CDKAL1: variants seen among roughly 807,000 people sequenced by gnomAD.
CDKAL1 encodes threonylcarbamoyladenosine tRNA methylthiotransferase.
A neutral mutation model predicts 68.2 loss-of-function variants in CDKAL1; 32 were observed. The observed-to-expected ratio is 0.47, with a 90% CI of 0.35 to 0.63. CDKAL1 has a LOEUF of 0.63. Ranked by LOEUF, CDKAL1 falls within the 30% of genes least tolerant of loss-of-function variation. The pLI is 0.00. For missense variants in CDKAL1, 606 were observed against 696.7 expected, an observed-to-expected ratio of 0.87 and a Z score of 1.47; for synonymous variants, 234 against 244.3, an observed-to-expected ratio of 0.96 and a Z score of 0.39.
chr6:20,806,313 C>T (rs1001480083), intron 8 of CDKAL1, among the ~76,000 whole-genome samples: 3 of 152,212 alleles, frequency 2.0e-5, no homozygotes, highest in Non-Finnish European at 4.4e-5. Flanking sequence ...AAAGGACATA[C>T]ATGAACTTAT....
intron 8 of CDKAL1, among the ~76,000 whole-genome samples, chr6:20,797,434 G>C (rs1368455128): frequency 2.0e-5 from 3 of 152,166 alleles, no homozygotes; most frequent in African/African-American, 7.2e-5. Context: ...GAATGAATTA[G>C]CAGTTTCTCT....
At chr6:20,837,443 A>G (rs951460967) in intron 8 of CDKAL1, among the ~76,000 whole-genome samples, 7 of 152,168 alleles carry the variant, frequency 4.6e-5, no homozygotes, top group African/African-American at 1.7e-4. Flanking sequence ...GTCAGCCTCC[A>G]TAACCACTGA....
chr6:20,749,095 C>G (rs560864143), intron 6 of CDKAL1, among the ~76,000 whole-genome samples: 84 of 152,168 alleles, frequency 5.5e-4, no homozygotes, highest in African/African-American at 1.4e-3. Context: ...CAGCCAGATT[C>G]ATGCAGTCTT....
At chr6:20,596,079 T>C (rs1765809738) in intron 4 of CDKAL1, among the ~76,000 whole-genome samples, 2 of 152,162 alleles carry the variant, frequency 1.3e-5, no homozygotes, top group Non-Finnish European at 2.9e-5. Flanking sequence ...GGAGCTCTCC[T>C]GTATGAGGTG....
chr6:20,916,475 CAA>C (rs760672451), intron 9 of CDKAL1, among the ~76,000 whole-genome samples: 2 of 152,088 alleles, frequency 1.3e-5, no homozygotes, highest in African/African-American at 4.8e-5. Context: ...GAAGAAATAA[CAA>C]GAGTATAGCA....
chr6:20,718,828 TA>T (rs569908123), intron 5 of CDKAL1, among the ~76,000 whole-genome samples: 114 of 152,126 alleles, frequency 7.5e-4, no homozygotes, highest in African/African-American at 2.2e-3. Context: ...TTTTTATAAT[TA>T]AAAAAAACTT....
intron 9 of CDKAL1, among the ~76,000 whole-genome samples, chr6:20,879,684 T>G (rs1760715230): frequency 6.6e-6 from 1 of 152,194 alleles, no homozygotes; most frequent in South Asian, 2.1e-4. Flanking sequence ...CATTTCTCAC[T>G]TGTGCTCTCC....
intron 9 of CDKAL1, among the ~76,000 whole-genome samples, chr6:20,887,348 C>A (rs943254878): frequency 2.6e-5 from 4 of 152,102 alleles, no homozygotes; most frequent in African/African-American, 9.6e-5. Flanking sequence ...CAAAATTAGT[C>A]ACAAAAAAGC....
At chr6:20,626,168 T>G (rs1767424164) in intron 4 of CDKAL1, among the ~76,000 whole-genome samples, 1 of 152,214 alleles carries the variant, frequency 6.6e-6, no homozygotes, top group Non-Finnish European at 1.5e-5. Flanking sequence ...AGAAGCCCTC[T>G]TCCTTTATAA....
chr6:20,966,157 C>A (rs1377437802), intron 10 of CDKAL1, among the ~76,000 whole-genome samples: 1 of 152,148 alleles, frequency 6.6e-6, no homozygotes, highest in Non-Finnish European at 1.5e-5. Context: ...GCATATTTGT[C>A]AGAAAGCAAA....
At chr6:21,211,263 G>C (rs1779137667) in intron 15 of CDKAL1, among the ~76,000 whole-genome samples, 2 of 152,226 alleles carry the variant, frequency 1.3e-5, no homozygotes, top group Non-Finnish European at 2.9e-5. Context: ...GCAGTTGGAA[G>C]GCACAGGGAA....
At chr6:20,942,627 AAAGTGCT>A (rs1764039533) in intron 9 of CDKAL1, among the ~76,000 whole-genome samples, 1 of 147,622 alleles carries the variant, frequency 6.8e-6, no homozygotes, top group Non-Finnish European at 1.5e-5. Flanking sequence ...TTGGCCTCCC[AAAGTGCT>A]GGGATTACAG....
chr6:20,558,856 T>C, intron 4 of CDKAL1: 1 of 320,440 alleles, frequency 3.1e-6, no homozygotes, highest in South Asian at 2.7e-5. Context: ...CTTGAACTCC[T>C]GAGCTCAACC....
rs182400775 is a variant in CDKAL1, at chr6:20,720,109, G to A, written c.372-19410G>A. Reference sequence around the variant, plus strand: ...TCTCTGAGGATTGGCTTCCTCATGGGATTGGCTTCCTTATGGCATAGGGAA... The same window carrying A: ...TCTCTGAGGATTGGCTTCCTCATGGAATTGGCTTCCTTATGGCATAGGGAA... On this transcript the variant is annotated intron_variant, in intron 5 of 15. Coordinates refer to ENST00000274695, the MANE Select transcript of CDKAL1 (RefSeq NM_017774.3). 6.6e-4 allele frequency among the ~76,000 whole-genome samples: 100 copies of A among 152,260 alleles called. No individual in the cohort carries two copies. In the Middle Eastern group the frequency reaches 0.01, roughly 16 times the overall value.
chr6:20,739,937 T>C (rs985428182), intron 6 of CDKAL1, among the ~76,000 whole-genome samples: 1 of 152,214 alleles, frequency 6.6e-6, no homozygotes, highest in African/African-American at 2.4e-5. Context: ...TCCACCTCAC[T>C]CAGCTACTTG....
intron 13 of CDKAL1, among the ~76,000 whole-genome samples, chr6:21,155,508 C>T (rs1432760997): frequency 6.6e-6 from 1 of 152,208 alleles, no homozygotes; most frequent in African/African-American, 2.4e-5. Flanking sequence ...TCACCCAGGA[C>T]ATCACCTCCC....
rs1251907449 is a variant in CDKAL1 at position 21,014,805 on chromosome 6, C to T, written c.1055+14433C>T. 2.6e-5 allele frequency among the ~76,000 whole-genome samples: 4 copies of T among 152,094 alleles called. No homozygotes were observed. In the East Asian group the frequency reaches 7.7e-4, roughly 29 times the overall value. ...TTTCATTTTTAAAAAATGCATATCT[C>T]CTATTTTAATCTCACAAATTAAACA... On this transcript the variant is annotated intron_variant, in intron 11 of 15. Coordinates refer to ENST00000274695, the MANE Select transcript of CDKAL1 (RefSeq NM_017774.3).
At chr6:21,046,585 G>A (rs920417905) in intron 11 of CDKAL1, among the ~76,000 whole-genome samples, 8 of 152,270 alleles carry the variant, frequency 5.3e-5, no homozygotes, top group Admixed American at 4.6e-4. Context: ...CAGGCGTGGC[G>A]TGAGACACAA....
At chr6:20,913,946 G>A (rs908633216) in intron 9 of CDKAL1, among the ~76,000 whole-genome samples, 1 of 152,128 alleles carries the variant, frequency 6.6e-6, no homozygotes, top group African/African-American at 2.4e-5. Flanking sequence ...AGCTATGATT[G>A]TGCCACTGCA....
Sources: gnomAD v4.1 joint callset for allele counts (sites outside exome capture counted in the v4.1 genomes callset) on GRCh38, gnomAD v4.1.1 for gene constraint, MANE v1.5 for transcripts, NCBI Gene and HGNC (gene_info 2026-07-23, HGNC 2026-07-21) for gene names.